Variants in CTNNA3 observed in about 807,000 individuals in gnomAD.
The protein encoded by CTNNA3 is catenin alpha 3.
In CTNNA3, 76 loss-of-function variants were observed where a neutral mutation model predicts 95.7. That is an observed-to-expected ratio of 0.79 (90% confidence interval 0.66 to 0.96). The LOEUF (loss-of-function observed/expected upper bound fraction) is 0.96. Ranked by LOEUF, CTNNA3 falls within the 40% of genes least tolerant of loss-of-function variation. The probability of loss-of-function intolerance (pLI) is 0.00; values close to 1 mark genes in which losing one functional copy is unlikely to be tolerated. For synonymous variants in CTNNA3, 431 were observed against 374.4 expected, an observed-to-expected ratio of 1.15 and a Z score of -1.74; for missense variants, 1,191 against 1,089.8, an observed-to-expected ratio of 1.09 and a Z score of -1.31.
chr10:66,746,661 A>G (rs866820602), intron 9 of CTNNA3, among the ~76,000 whole-genome samples: 1 of 152,168 alleles, frequency 6.6e-6, no homozygotes, highest in East Asian at 1.9e-4. Context: ...TACAATAGGT[A>G]ACTATAAGTG....
chr10:66,207,098 AAAG>A (rs1258152729), intron 13 of CTNNA3, among the ~76,000 whole-genome samples: 1 of 151,810 alleles, frequency 6.6e-6, no homozygotes, highest in Non-Finnish European at 1.5e-5. Flanking sequence ...ATTCACTTTA[AAAG>A]AGAAAGATTA....
intron 5 of CTNNA3, among the ~76,000 whole-genome samples, chr10:67,329,655 A>G (rs1045479528): frequency 6.6e-6 from 1 of 152,238 alleles, no homozygotes; most frequent in Non-Finnish European, 1.5e-5. Context: ...TTAAAATGGG[A>G]AGAGATAAAA....
intron 10 of CTNNA3, among the ~76,000 whole-genome samples, chr10:66,532,303 A>C (rs1841494913): frequency 6.6e-6 from 1 of 152,090 alleles, no homozygotes; most frequent in African/African-American, 2.4e-5. Flanking sequence ...TCTACTAAAA[A>C]TACAAAAAAT....
chr10:66,344,509 C>T lies in CTNNA3; in HGVS notation c.1732+34643G>A, dbSNP rs566852776. 4.6e-5 allele frequency among the ~76,000 whole-genome samples: 7 copies of T among 151,896 alleles called. No individual in the cohort carries two copies. The East Asian group carries it at 5.9e-4, about 13-fold the overall frequency. On this transcript the variant is annotated intron_variant, in intron 12 of 17. Transcript: ENST00000433211. The stretch of plus-strand genomic sequence containing the variant: ...CTCGAACTCCTGACCTCAGGTGATC[C>T]GTCGGCTTTGGCCAACCAAAGTGCT...
chr10:67,730,223 G>T (rs1220459812), intron 1 of CTNNA3, among the ~76,000 whole-genome samples: 19 of 151,978 alleles, frequency 1.3e-4, no homozygotes, highest in Admixed American at 1.2e-3. Flanking sequence ...AAAAAGCAGA[G>T]AGGTAAACAG....
intron 7 of CTNNA3, among the ~76,000 whole-genome samples, chr10:66,941,152 C>A (rs1847975062): frequency 6.6e-6 from 1 of 152,182 alleles, no homozygotes; most frequent in Non-Finnish European, 1.5e-5. Flanking sequence ...GACAATATTT[C>A]CTCAGCTGAG....
chr10:66,049,516 C>A (rs1005237882), intron 15 of CTNNA3, among the ~76,000 whole-genome samples: 1 of 151,944 alleles, frequency 6.6e-6, no homozygotes. Context: ...TATTTACAGT[C>A]GCAAAGACAT....
chr10:67,093,049 C>T (rs1025055114), intron 7 of CTNNA3, among the ~76,000 whole-genome samples: 4 of 151,876 alleles, frequency 2.6e-5, no homozygotes, highest in Admixed American at 6.6e-5. Context: ...TCTTGGAAAA[C>T]GGTGATTTAG....
At chr10:67,140,677 T>C (rs1012872478) in intron 7 of CTNNA3, among the ~76,000 whole-genome samples, 2 of 152,144 alleles carry the variant, frequency 1.3e-5, no homozygotes, top group African/African-American at 4.8e-5. Flanking sequence ...ACAAAGACTG[T>C]GATATTAGTG....
intron 1 of CTNNA3, among the ~76,000 whole-genome samples, chr10:67,687,539 C>T (rs561596195): frequency 5.2e-4 from 79 of 152,244 alleles, no homozygotes; most frequent in African/African-American, 1.9e-3. Flanking sequence ...TCTGATCTTG[C>T]TTTTCTTTTT....
At chr10:67,354,531 C>T (rs572019593) in intron 5 of CTNNA3, among the ~76,000 whole-genome samples, 1 of 151,894 alleles carries the variant, frequency 6.6e-6, no homozygotes, top group Non-Finnish European at 1.5e-5. Context: ...AATCTCATTG[C>T]TGTAGATTTA....
At chr10:66,132,652 T>C (rs2083166786) in intron 13 of CTNNA3, among the ~76,000 whole-genome samples, 1 of 152,178 alleles carries the variant, frequency 6.6e-6, no homozygotes, top group African/African-American at 2.4e-5. Context: ...TCAAACTAAA[T>C]GCTCATCAAT....
intron 7 of CTNNA3, among the ~76,000 whole-genome samples, chr10:67,030,140 A>G (rs1203479490): frequency 6.6e-6 from 1 of 152,262 alleles, no homozygotes; most frequent in Non-Finnish European, 1.5e-5. Flanking sequence ...TTAATAACAA[A>G]TAAGCTTGTG....
At chr10:66,958,885 T>C (rs1848973873) in intron 7 of CTNNA3, among the ~76,000 whole-genome samples, 1 of 152,134 alleles carries the variant, frequency 6.6e-6, no homozygotes, top group Admixed American at 6.6e-5. Context: ...ACGTGATAAA[T>C]GGGAGGTTCA....
At chr10:66,663,609 T>C (rs1846338911) in intron 9 of CTNNA3, among the ~76,000 whole-genome samples, 1 of 152,150 alleles carries the variant, frequency 6.6e-6, no homozygotes, top group Admixed American at 6.5e-5. Flanking sequence ...GCTGCCTTTC[T>C]CTCCCACTCT....
At chr10:67,521,722 T>C in intron 5 of CTNNA3, 120 bp downstream of exon 5, 1 of 1,252,476 alleles carries the variant, frequency 8.0e-7, no homozygotes, top group Non-Finnish European at 1.1e-6. Flanking sequence ...CAGCACAACC[T>C]GTATCTGCTC....
At chr10:67,761,644 C>T (rs1841461940) in intron 1 of CTNNA3, among the ~76,000 whole-genome samples, 1 of 152,062 alleles carries the variant, frequency 6.6e-6, no homozygotes, top group Non-Finnish European at 1.5e-5. Context: ...TTTGGGAGGC[C>T]GAGGCGGGCA....
In CTNNA3 at chr10:66,487,181, ATTTTTTTTTTTTTTTTTTT is replaced by A. The variant is rs60547696; in HGVS notation, c.1531+33417_1531+33435del. 2.1e-3 allele frequency among the ~76,000 whole-genome samples: 95 copies of A among 45,986 alleles called. 2 individuals carry two copies. In the South Asian group the frequency reaches 0.043, roughly 21 times the overall value. 30.2% of individuals were successfully genotyped at this position (45,986 alleles called of 152,430 possible). A position where few individuals can be genotyped will look rare whatever the true frequency, so the allele number is the denominator to read the frequency against. On this transcript the variant is annotated intron_variant, in intron 11 of 17. Coordinates refer to ENST00000433211, the MANE Select transcript of CTNNA3 (RefSeq NM_013266.4). ...TACTTGAAATTTAATAAAAGGGCAG[ATTTTTTTTTTTTTTTTTTT>A]TTTTTTTTTTTTTTTTTTTGAGACG... is the stretch of plus-strand genomic sequence containing the variant.
intron 13 of CTNNA3, among the ~76,000 whole-genome samples, chr10:66,259,689 A>G (rs1158001585): frequency 2.0e-5 from 3 of 152,128 alleles, no homozygotes; most frequent in East Asian, 1.9e-4. Context: ...TCCTGTGGCT[A>G]TCTTAAGATT....
Sources: allele counts gnomAD v4.1 joint callset (sites outside exome capture counted in the v4.1 genomes callset), GRCh38; gene constraint gnomAD v4.1.1; transcripts MANE v1.5; gene names NCBI Gene and HGNC (gene_info 2026-07-23, HGNC 2026-07-21).